Variants in CUX1 observed in about 807,000 individuals in gnomAD.
The protein encoded by CUX1 is protein CASP.
A neutral mutation model predicts 158.8 loss-of-function variants in CUX1; 31 were observed. That is an observed-to-expected ratio of 0.20 (90% CI 0.15 to 0.26). The LOEUF (loss-of-function observed/expected upper bound fraction) is 0.26, where lower values mean the gene tolerates loss of function less well. Among genes scored for constraint, CUX1 ranks in the 10% least tolerant of loss-of-function variants. The probability of loss-of-function intolerance (pLI) is 1.00; values close to 1 mark genes in which losing one functional copy is unlikely to be tolerated. For missense variants in CUX1, 1,589 were observed against 2,014.6 expected, an observed-to-expected ratio of 0.79 and a Z score of 4.04; for synonymous variants, 879 against 862.1, an observed-to-expected ratio of 1.02 and a Z score of -0.34.
chr7:102,111,378 CATG>C (rs1291140626), intron 6 of CUX1, among the ~76,000 whole-genome samples: 1 of 152,124 alleles, frequency 6.6e-6, no homozygotes, highest in Admixed American at 6.5e-5. Context: ...ACAATGAGTG[CATG>C]ATGATGATTT....
downstream of CUX1, among the ~76,000 whole-genome samples, chr7:102,258,792 A>G (rs79950526): frequency 0.017 from 2,655 of 152,230 alleles, 92 homozygotes; most frequent in African/African-American, 0.062. Flanking sequence ...TCCTGATGTA[A>G]CAGAAAGACA....
At chr7:102,154,462 A>G (rs1836029011) in intron 8 of CUX1, 1 of 151,848 alleles carries the variant, frequency 6.6e-6, no homozygotes, top group Non-Finnish European at 1.5e-5. Context: ...AAAAAAAACA[A>G]ATAGAAAAAT....
intron 4 of CUX1, among the ~76,000 whole-genome samples, chr7:102,081,495 C>T (rs1827407354): frequency 6.8e-6 from 1 of 147,252 alleles, no homozygotes; most frequent in South Asian, 2.2e-4. Context: ...CTTCGCTCAT[C>T]TCTCTCCTGC....
intron 20 of CUX1, among the ~76,000 whole-genome samples, chr7:102,224,356 G>A (rs1297688311): frequency 2.6e-5 from 4 of 152,072 alleles, no homozygotes; most frequent in Non-Finnish European, 1.5e-5. Context: ...ACAGGCACCC[G>A]CCACCATGCC....
At position 102,113,081 on chromosome 7, in the gene CUX1, G is replaced by A. The variant is rs140029299; in HGVS notation, c.607+1307G>A. ...ATTAAAGGAGAGAAACAGTGCAGTC[G>A]AACAATAAGCAAGGGATATGAACAG... On this transcript the variant is annotated intron_variant, in intron 7 of 23. Coordinates refer to ENST00000292535, the MANE Select transcript of CUX1 (RefSeq NM_181552.4). Among the ~76,000 whole-genome samples, 181 of 152,022 alleles carry A rather than the reference G, an allele frequency of 1.2e-3. 2 individuals carry two copies. Among genetic ancestry groups the A allele is most frequent in the Admixed American group, 0.011 (161 of 15,264 alleles).
At chr7:102,238,650 A>T (rs1038966545) in intron 22 of CUX1, among the ~76,000 whole-genome samples, 1 of 152,116 alleles carries the variant, frequency 6.6e-6, no homozygotes, top group Non-Finnish European at 1.5e-5. Flanking sequence ...CTTGCCGCCC[A>T]CACCCAGGCC....
intron 4 of CUX1, among the ~76,000 whole-genome samples, chr7:102,072,920 C>T (rs370878343): frequency 2.1e-4 from 32 of 152,104 alleles, no homozygotes; most frequent in East Asian, 9.7e-4. Context: ...TTTTGTGTTT[C>T]GAAAGAGTTC....
intron 12 of CUX1, among the ~76,000 whole-genome samples, chr7:102,190,670 G>A (rs1407366839): frequency 3.9e-5 from 6 of 152,160 alleles, no homozygotes; most frequent in African/African-American, 1.4e-4. Context: ...CAGCCCCACA[G>A]GTCCCCCGTG....
At position 102,274,217 on chromosome 7, in the gene CUX1, C is replaced by T. The variant is rs143835938; in HGVS notation, c.1384-27C>T. ...TTCCGTGCCCATTGTGCGGAGGCAC[C>T]TCCTCATCGCTTCCTGTCACCTGCA... On this transcript the variant is annotated intron_variant, in intron 15 of 22. Coordinates refer to the CUX1 transcript ENST00000292538. 408 of 1,608,242 alleles carry T rather than the reference C, an allele frequency of 2.5e-4. 1 individual carries two copies. In the African/African-American group the frequency reaches 4.5e-3, roughly 18 times the overall value.
At chr7:102,275,102 C>T (rs1330433108) in intron 16 of CUX1, 3 of 620,116 alleles carry the variant, frequency 4.8e-6, no homozygotes, top group Non-Finnish European at 8.4e-6. Context: ...CCCGACCTGC[C>T]CAGCACCAGG....
exon 21 of CUX1, chr7:102,281,915 T>C (rs781947405): frequency 6.2e-7 from 1 of 1,610,110 alleles, no homozygotes; most frequent in African/African-American, 1.3e-5. Context: ...CTGCCTGGTC[T>C]TCCTGGTGAG....
intron 1 of CUX1, among the ~76,000 whole-genome samples, chr7:101,899,719 C>T (rs1801936652): frequency 6.6e-6 from 1 of 152,058 alleles, no homozygotes; most frequent in Non-Finnish European, 1.5e-5. Flanking sequence ...CGAGAAAAAC[C>T]GGTGATGAGA....
At chr7:102,094,349 A>G (rs987951113) in intron 4 of CUX1, among the ~76,000 whole-genome samples, 1 of 152,236 alleles carries the variant, frequency 6.6e-6, no homozygotes, top group Non-Finnish European at 1.5e-5. Context: ...TTTGCTACAT[A>G]GGCATTAACC....
At chr7:102,091,195 T>C (rs549067754) in intron 4 of CUX1, among the ~76,000 whole-genome samples, 16 of 152,344 alleles carry the variant, frequency 1.1e-4, no homozygotes, top group South Asian at 2.1e-4. Flanking sequence ...ACCACATTTA[T>C]TGCAACAACT....
At position 101,869,831 on chromosome 7, in the gene CUX1, T is replaced by G. The variant is rs1798296952; in HGVS notation, c.31-46284T>G. Among the ~76,000 whole-genome samples the G allele has an allele frequency of 2.0e-5, 3 of 152,254 alleles. No individual in the cohort carries two copies. The South Asian group carries it at 6.2e-4, about 32-fold the overall frequency. On this transcript the variant is annotated intron_variant, in intron 1 of 23. Transcript: ENST00000292535. The surrounding 1 kb of genome is among the most constrained non-coding windows in gnomAD (Gnocchi z 4.5). ...GTTTCAGCTTTCCCCGTGGCTCCCCTCCGCCAAATCTTAAATCCTCTTGTT... is the reference window on the plus strand; with the variant it reads ...GTTTCAGCTTTCCCCGTGGCTCCCCGCCGCCAAATCTTAAATCCTCTTGTT...
chr7:102,060,612 C>T (rs1402816939), intron 3 of CUX1, among the ~76,000 whole-genome samples: 4 of 130,546 alleles, frequency 3.1e-5, no homozygotes, highest in South Asian at 2.4e-4. Context: ...CAAATAAACA[C>T]ACACACACAC....
At position 102,257,491 on chromosome 7, in the gene CUX1, C is replaced by T; in HGVS notation, c.*8449C>T. 1 of 985,264 alleles carries T rather than the reference C, an allele frequency of 1.0e-6. No homozygotes were observed. The highest frequency in any genetic ancestry group is 1.2e-6 in the Non-Finnish European group (1 of 829,906). The allele number at this position is 985,264 out of a possible 1,614,324, so 61.0% of individuals were successfully genotyped here. A position where few individuals can be genotyped will look rare whatever the true frequency, so the allele number is the denominator to read the frequency against. ...AAATTCTTAAAACATTGGAGAATAG[C>T]TTGTTATAAAATAAAAGTGGGGGTA... On this transcript the variant is annotated 3_prime_UTR_variant, in exon 24 of 24. Coordinates refer to ENST00000292535, the MANE Select transcript of CUX1 (RefSeq NM_181552.4).
rs368395929 is a variant in CUX1, at chr7:102,059,114, T to C, written c.190-11225T>C. Among the ~76,000 whole-genome samples, 58 of 152,316 alleles carry C rather than the reference T, an allele frequency of 3.8e-4. 1 individual carries two copies. Among genetic ancestry groups the C allele is most frequent in the African/African-American group, 1.3e-3 (53 of 41,580 alleles). ...GTGGGGAGAGAGAAGACAGCTAATC[T>C]TTCTTCCCCAAGACAGCCTTTCAGA... On this transcript the variant is annotated intron_variant, in intron 3 of 23. Coordinates refer to ENST00000292535, the MANE Select transcript of CUX1 (RefSeq NM_181552.4).
intron 2 of CUX1, among the ~76,000 whole-genome samples, chr7:101,982,434 C>CT (rs1813558195): frequency 1.3e-5 from 2 of 150,024 alleles, no homozygotes; most frequent in Non-Finnish European, 3.0e-5. Context: ...TTCTTTTTTT[C>CT]TTTTTTGTTT....
Sources: allele counts gnomAD v4.1 joint callset (sites outside exome capture counted in the v4.1 genomes callset), GRCh38; gene constraint gnomAD v4.1.1; non-coding constraint Gnocchi (gnomAD v3.1); transcripts MANE v1.5; gene names NCBI Gene and HGNC (gene_info 2026-07-23, HGNC 2026-07-21).